Variants in PAPOLG observed in about 807,000 individuals in gnomAD.
The protein encoded by PAPOLG is PAP-gamma.
A neutral mutation model predicts 99.0 loss-of-function variants in PAPOLG; 40 were observed. The ratio of observed to expected loss-of-function variants is 0.40; its 90% CI spans 0.31 to 0.53. The LOEUF is 0.53. PAPOLG is among the 20% of genes least tolerant of loss of function. The pLI is 0.41. For synonymous variants in PAPOLG, 310 were observed against 299.3 expected, an observed-to-expected ratio of 1.04 and a Z score of -0.37; for missense variants, 675 against 884.1, an observed-to-expected ratio of 0.76 and a Z score of 3.00.
chr2:60,796,472 A>C (rs1314929517), intron 21 of PAPOLG, among the ~76,000 whole-genome samples: 1 of 151,886 alleles, frequency 6.6e-6, no homozygotes, highest in Non-Finnish European at 1.5e-5. Context: ...ATAATCTTTA[A>C]TGCCCTCAGA....
intron 21 of PAPOLG, among the ~76,000 whole-genome samples, chr2:60,796,177 T>C (rs949408169): frequency 6.8e-6 from 1 of 147,458 alleles, no homozygotes; most frequent in Non-Finnish European, 1.5e-5. Context: ...CAAGAAACTA[T>C]CCCCATTACA....
chr2:60,783,384 G>A (rs1190467331), intron 13 of PAPOLG, among the ~76,000 whole-genome samples, 175 bp downstream of exon 13: 3 of 127,126 alleles, frequency 2.4e-5, no homozygotes, highest in Non-Finnish European at 4.7e-5. Context: ...GTGCAGTGTC[G>A]CGATCTCAGT....
chr2:60,759,135 G>A (rs1478916635), intron 1 of PAPOLG, among the ~76,000 whole-genome samples: 3 of 152,162 alleles, frequency 2.0e-5, no homozygotes, highest in African/African-American at 7.2e-5. Context: ...GTGGGAGGCC[G>A]AGACTGTTGG....
intron 6 of PAPOLG, 151 bp from the exon 7 acceptor site, chr2:60,771,368 C>T: frequency 1.4e-6 from 1 of 726,714 alleles, no homozygotes; most frequent in Non-Finnish European, 2.0e-6. Flanking sequence ...GTGATTTTCC[C>T]ATGTGAGACT....
At position 60,761,758 on chromosome 2, in the gene PAPOLG, A is replaced by C. The variant is rs763316039; in HGVS notation, c.197A>C (p.Lys66Thr). The C allele has an allele frequency of 1.2e-6, 2 of 1,604,932 alleles. No homozygotes were observed. Among genetic ancestry groups the C allele is most frequent in the Non-Finnish European group, 1.7e-6 (2 of 1,172,096 alleles). Residue 66 changes from lysine (K) to threonine (T), a missense_variant, in exon 3 of 22, where the codon AAA becomes ACA. Lys to Thr is a moderately conservative substitution (Grantham distance 78). Transcript: ENST00000238714. Reference sequence around the variant, plus strand: ...TTTTATAGGCTGGTGGTTCTTGGTAAATTGAACAATTTAGTAAAAGAATGG... The same window carrying C: ...TTTTATAGGCTGGTGGTTCTTGGTACATTGAACAATTTAGTAAAAGAATGG... Reference protein sequence around the residue: ...ELNHRLVVLGKLNNLVKEWIS... With the variant: ...ELNHRLVVLGTLNNLVKEWIS...
At position 60,797,186 on chromosome 2, in the gene PAPOLG, ACAAG is replaced by A. The variant is rs1177145463; in HGVS notation, c.*30_*33del. On this transcript the variant is annotated 3_prime_UTR_variant, in exon 22 of 22. Coordinates refer to ENST00000238714, the MANE Select transcript of PAPOLG (RefSeq NM_022894.4). The stretch of plus-strand genomic sequence containing the variant: ...AAGCAGTGCCTCCTCACTTAAGTGA[ACAAG>A]CAATCATTTAGTGGCATAGATGCAG... The A allele has an allele frequency of 6.2e-7, 1 of 1,612,134 alleles. No individual in the cohort carries two copies.
intron 8 of PAPOLG, among the ~76,000 whole-genome samples, chr2:60,775,478 A>G (rs1429821209): frequency 3.3e-5 from 5 of 152,356 alleles, no homozygotes; most frequent in African/African-American, 9.6e-5. Flanking sequence ...GTAGGTGTTC[A>G]TTAAGTGAAG....
rs571749402 is a variant in PAPOLG, at chr2:60,800,672, G to A, written c.*3512G>A. The A allele has an allele frequency of 1.3e-5, 2 of 152,256 alleles. No individual in the cohort carries two copies. The allele number at this position is 152,256 out of a possible 1,614,324, so 9.4% of individuals were successfully genotyped here. On this transcript the variant is annotated 3_prime_UTR_variant, in exon 22 of 22. Transcript: ENST00000238714. ...CCTTTGAAATAGGAATTCCTAACTTGAGAATCATGAACCCTTAGGGAATCC... is the reference window on the plus strand; with the variant it reads ...CCTTTGAAATAGGAATTCCTAACTTAAGAATCATGAACCCTTAGGGAATCC...
intron 8 of PAPOLG, among the ~76,000 whole-genome samples, chr2:60,775,504 C>G (rs6725719): frequency 0.14 from 20,917 of 152,152 alleles, 1,776 homozygotes; most frequent in Middle Eastern, 0.2. Flanking sequence ...ACAGTGATGA[C>G]TTTCACTTGT....
intron 3 of PAPOLG, among the ~76,000 whole-genome samples, chr2:60,767,960 G>A (rs906857728): frequency 6.6e-6 from 1 of 152,170 alleles, no homozygotes; most frequent in Admixed American, 6.5e-5. Context: ...AATTTGTTTT[G>A]TCTTTCCTCT....
At chr2:60,788,987 C>T (rs1044320638) in intron 15 of PAPOLG, among the ~76,000 whole-genome samples, 2 of 152,124 alleles carry the variant, frequency 1.3e-5, no homozygotes, top group Non-Finnish European at 2.9e-5. Flanking sequence ...AAGTGAGATA[C>T]TATGCAGCCA....
intron 15 of PAPOLG, chr2:60,791,523 G>C: frequency 3.4e-6 from 1 of 293,926 alleles, no homozygotes; most frequent in South Asian, 4.9e-5. Context: ...TTGCACTCCA[G>C]CCTGGGCAGC....
intron 1 of PAPOLG, among the ~76,000 whole-genome samples, chr2:60,758,458 G>T (rs528189054): frequency 1.1e-3 from 139 of 122,556 alleles, no homozygotes; most frequent in African/African-American, 4.3e-3. Context: ...ACGGAGTTTC[G>T]CTCTTGTTGC....
chr2:60,783,911 A>T (rs1387175175), intron 13 of PAPOLG, among the ~76,000 whole-genome samples: 1 of 152,198 alleles, frequency 6.6e-6, no homozygotes, highest in Non-Finnish European at 1.5e-5. Context: ...AGCCAGATTT[A>T]AGCAAAATTT....
Position 60,801,008 on chromosome 2 carries a change from T to C in PAPOLG, c.*3848T>C, listed in dbSNP as rs912334432. ...TTAGAAAAATGCTTAATCTCAGATT[T>C]ACAGATGGCCTCATGATAACTTAGA... On this transcript the variant is annotated 3_prime_UTR_variant, in exon 22 of 22. Transcript: ENST00000238714. The C allele has an allele frequency of 1.3e-5, 2 of 152,336 alleles. No individual in the cohort carries two copies. The highest frequency in any genetic ancestry group is 4.8e-5 in the African/African-American group (2 of 41,448). The allele number at this position is 152,336 out of a possible 1,614,324, so 9.4% of individuals were successfully genotyped here. A position where few individuals can be genotyped will look rare whatever the true frequency, so the allele number is the denominator to read the frequency against.
intron 21 of PAPOLG, among the ~76,000 whole-genome samples, chr2:60,796,843 C>T (rs11890393): frequency 0.23 from 34,736 of 151,868 alleles, 4,479 homozygotes; most frequent in African/African-American, 0.33. Flanking sequence ...TTTCTCTTAT[C>T]CCTCTGCTTT....
At chr2:60,795,365 C>T (rs1205503299) in intron 21 of PAPOLG, 1 of 457,410 alleles carries the variant, frequency 2.2e-6, no homozygotes, top group Non-Finnish European at 4.3e-6. Flanking sequence ...CTATTGCTTA[C>T]TGCCAAAACA....
Position 60,772,316 on chromosome 2 carries a change from A to G in PAPOLG, c.604+686A>G, listed in dbSNP as rs567782167. Among the ~76,000 whole-genome samples the G allele has an allele frequency of 3.3e-5, 5 of 151,820 alleles. No homozygotes were observed. The South Asian group carries it at 1.0e-3, about 32-fold the overall frequency. On this transcript the variant is annotated intron_variant, in intron 7 of 21. Transcript: ENST00000238714. ...AAAACATTTAGTTGGATGTAGTGGC[A>G]CTCGCCTGTAGTTCCAGCTACTCAG...
At chr2:60,791,552 C>CA (rs1186337002) in intron 15 of PAPOLG, 36 of 386,698 alleles carry the variant, frequency 9.3e-5, no homozygotes, top group South Asian at 4.4e-5. Context: ...AACTCCATCT[C>CA]AAAAAAAGAA....
Sources: allele counts gnomAD v4.1 joint callset (sites outside exome capture counted in the v4.1 genomes callset), GRCh38; gene constraint gnomAD v4.1.1; transcripts MANE v1.5; gene names NCBI Gene and HGNC (gene_info 2026-07-23, HGNC 2026-07-21).